Variants in ANAPC7 observed in about 807,000 individuals in gnomAD.
The protein encoded by ANAPC7 is anaphase-promoting complex subunit 7.
Under a neutral mutation model 63.3 loss-of-function variants are expected in ANAPC7, and 25 were observed. That is an observed-to-expected ratio of 0.39 (90% confidence interval 0.29 to 0.55). The LOEUF (loss-of-function observed/expected upper bound fraction) is 0.55. Ranked by LOEUF, ANAPC7 falls within the 20% of genes least tolerant of loss-of-function variation. The pLI is 0.57. For synonymous variants in ANAPC7, 241 were observed against 251.7 expected, an observed-to-expected ratio of 0.96 and a Z score of 0.40; for missense variants, 516 against 691.7, an observed-to-expected ratio of 0.75 and a Z score of 2.85.
At chr12:110,378,548 C>T (rs1366734466) in intron 8 of ANAPC7, 1 of 152,214 alleles carries the variant, frequency 6.6e-6, no homozygotes, top group Non-Finnish European at 1.5e-5. Context: ...CAGTACTTAC[C>T]ACATGCACCA....
At chr12:110,399,821 C>A (rs377751164) in intron 1 of ANAPC7, among the ~76,000 whole-genome samples, 205 of 147,366 alleles carry the variant, frequency 1.4e-3, no homozygotes, top group African/African-American at 5.0e-3. Flanking sequence ...AGGGGCCAGG[C>A]GCGGTGGCTC....
Position 110,403,024 on chromosome 12 carries a change from G to A in ANAPC7, c.101+503C>T, listed in dbSNP as rs1004338626. 3.3e-5 allele frequency among the ~76,000 whole-genome samples: 5 copies of A among 152,308 alleles called. No homozygotes were observed. The East Asian group carries it at 9.7e-4, about 29-fold the overall frequency. On this transcript the variant is annotated intron_variant, in intron 1 of 10. Transcript: ENST00000455511. ...CCCAAAGGGCTCGTATTAGAGGCGT[G>A]AGCCACCGCGCCCGGCCCCGTTTTC... is the stretch of plus-strand genomic sequence containing the variant.
chr12:110,397,401 A>G (rs2062158825), intron 1 of ANAPC7, among the ~76,000 whole-genome samples: 1 of 150,684 alleles, frequency 6.6e-6, no homozygotes, highest in African/African-American at 2.4e-5. Context: ...AAAAATACAA[A>G]AATTAGCTGG....
intron 8 of ANAPC7, chr12:110,379,030 G>A: frequency 6.6e-6 from 1 of 151,338 alleles, no homozygotes; most frequent in Middle Eastern, 3.4e-3. Context: ...GGCTAAATTT[G>A]TTTCTATTTT....
chr12:110,386,273 T>C, intron 6 of ANAPC7, 54 bp downstream of exon 6: 1 of 1,606,068 alleles, frequency 6.2e-7, no homozygotes. Flanking sequence ...CTCCCTATTA[T>C]CTCTGATCCC....
At chr12:110,382,455 A>ATATATATACATATATAT (rs1306028353) in intron 7 of ANAPC7, among the ~76,000 whole-genome samples, 1 of 70,492 alleles carries the variant, frequency 1.4e-5, no homozygotes, top group African/African-American at 6.1e-5. Context: ...AAAAAAAAAA[A>ATATATATACATATATAT]AAAAAAATAT....
chr12:110,381,885 C>A lies in ANAPC7; in HGVS notation c.999G>T (p.Gln333His). The A allele has an allele frequency of 6.3e-7, 1 of 1,578,306 alleles. No individual in the cohort carries two copies. Among genetic ancestry groups the A allele is most frequent in the Non-Finnish European group, 8.6e-7 (1 of 1,160,546 alleles). ...GAGCTTGAACACTATTACTGTTCAG[C>A]TGAATGGCCTTGGCTCCTAAATAGA... ...RALYLGAKAI[Q>H]LNSNSVQALL... Residue 333 changes from glutamine to histidine, a missense_variant, in exon 8 of 11, where the codon CAG (glutamine) becomes CAT (histidine). Coordinates refer to ENST00000455511, the MANE Select transcript of ANAPC7 (RefSeq NM_016238.3).
intron 8 of ANAPC7, among the ~76,000 whole-genome samples, chr12:110,379,624 T>G (rs1881627765): frequency 6.6e-6 from 1 of 152,136 alleles, no homozygotes. Context: ...CAATACTCTT[T>G]CCCCCTCAAC....
intron 8 of ANAPC7, chr12:110,378,514 G>A (rs1293784135): frequency 6.6e-6 from 1 of 152,126 alleles, no homozygotes; most frequent in Non-Finnish European, 1.5e-5. Flanking sequence ...GGCACTTGCT[G>A]AGGGCTTCCC....
At chr12:110,375,000 C>T (rs981609676) in intron 10 of ANAPC7, among the ~76,000 whole-genome samples, 7 of 152,034 alleles carry the variant, frequency 4.6e-5, no homozygotes, top group African/African-American at 1.5e-4. Context: ...TAGTGACCAT[C>T]ACCCAAGCCA....
At chr12:110,394,898 A>G (rs575553648) in intron 3 of ANAPC7, among the ~76,000 whole-genome samples, 4 of 152,144 alleles carry the variant, frequency 2.6e-5, no homozygotes, top group African/African-American at 9.6e-5. Context: ...AACAAAGAAT[A>G]AGCATGTGTA....
intron 1 of ANAPC7, among the ~76,000 whole-genome samples, chr12:110,401,752 G>A (rs1422730343): frequency 1.3e-5 from 2 of 151,978 alleles, no homozygotes; most frequent in Non-Finnish European, 2.9e-5. Flanking sequence ...TTGGGAGGCC[G>A]AGGCGGGCGG....
At chr12:110,402,359 T>C (rs2062243695) in intron 1 of ANAPC7, among the ~76,000 whole-genome samples, 2 of 150,994 alleles carry the variant, frequency 1.3e-5, no homozygotes, top group Admixed American at 1.3e-4. Context: ...AGACGGAGTC[T>C]CGCTCTGTCG....
At chr12:110,401,206 T>C (rs757083812) in intron 1 of ANAPC7, among the ~76,000 whole-genome samples, 8 of 152,158 alleles carry the variant, frequency 5.3e-5, no homozygotes, top group Non-Finnish European at 1.0e-4. Context: ...AAAGTTTCCA[T>C]TATAACGCCA....
chr12:110,395,270 C>A, intron 2 of ANAPC7, 50 bp from the exon 3 acceptor site: 1 of 1,553,676 alleles, frequency 6.4e-7, no homozygotes, highest in South Asian at 1.2e-5. Flanking sequence ...AACAATATGA[C>A]AGTTCTTCAA....
At chr12:110,387,239 C>CAGAGAGAGAGAGAG (rs1566268639) in intron 5 of ANAPC7, 6 of 35,280 alleles carry the variant, frequency 1.7e-4, no homozygotes, top group East Asian at 1.1e-3. Context: ...GAGAGAGAGA[C>CAGAGAGAGAGAGAG]AGAGAGACAG....
chr12:110,373,955 T>C lies in ANAPC7; in HGVS notation c.*189A>G, dbSNP rs1881025807. On this transcript the variant is annotated 3_prime_UTR_variant, in exon 11 of 11. Coordinates refer to ENST00000455511, the MANE Select transcript of ANAPC7 (RefSeq NM_016238.3). ...TGGAGCAGGGGAGGATGGAGATACA[T>C]GGAAGGTTGGTCAGGCTCTGTTTTA... The C allele has an allele frequency of 7.0e-6, 4 of 570,964 alleles. No homozygotes were observed. The highest frequency in any genetic ancestry group is 1.1e-5 in the Non-Finnish European group (4 of 352,808). 35.4% of individuals were successfully genotyped at this position (570,964 alleles called of 1,614,324 possible).
At position 110,403,622 on chromosome 12, in the gene ANAPC7, A is replaced by T. The variant is rs201481931; in HGVS notation, c.6T>A (p.Asn2Lys). 1.2e-6 allele frequency: 2 copies of T among 1,603,644 alleles called. No homozygotes were observed. The highest frequency in any genetic ancestry group is 1.7e-6 in the Non-Finnish European group (2 of 1,175,326). M[N>K]VIDHVRDMAA... ...CCATGTCCCGCACGTGGTCTATCAC[A>T]TTCATCCTGCTCTGCAAAGCCGCGG... is the stretch of plus-strand genomic sequence containing the variant. The change falls in exon 1 of 11, where the codon AAT becomes AAA. Residue 2 changes from asparagine (N) to lysine (K), a missense_variant. By Grantham distance (94) the Asn-to-Lys change is moderately conservative. This residue lies in a region of ANAPC7 where 185 missense variants were observed against 200.3 expected (regional missense o/e 0.92). Coordinates refer to ENST00000455511, the MANE Select transcript of ANAPC7 (RefSeq NM_016238.3).
At chr12:110,386,661 CAGAAGT>C in intron 5 of ANAPC7, 192 bp from the exon 6 acceptor site, 1 of 530,492 alleles carries the variant, frequency 1.9e-6, no homozygotes, top group South Asian at 2.7e-5. Context: ...AAGAATAAAG[CAGAAGT>C]CTCTCAGTAC....
Sources: gnomAD v4.1 joint callset for allele counts (sites outside exome capture counted in the v4.1 genomes callset) on GRCh38, gnomAD v4.1.1 for gene constraint, gnomAD v4.1.1 regional missense constraint, MANE v1.5 for transcripts, NCBI Gene and HGNC (gene_info 2026-07-23, HGNC 2026-07-21) for gene names.